The following COL5A1 variants were observed in gnomAD, a reference collection of about 807,000 sequenced individuals.
COL5A1 encodes collagen type V alpha 1 chain.
COL5A1 carries 16 observed loss-of-function variants against 263.7 expected under a neutral mutation model. The observed-to-expected ratio is 0.06, with a 90% CI of 0.04 to 0.09. COL5A1 has a LOEUF of 0.09. Ranked by LOEUF, COL5A1 falls within the 10% of genes least tolerant of loss-of-function variation. The pLI, the probability that COL5A1 is intolerant of heterozygous loss-of-function variation, is 1.00. For synonymous variants in COL5A1, 1,012 were observed against 1,004.5 expected, an observed-to-expected ratio of 1.01 and a Z score of -0.14; for missense variants, 2,036 against 2,540.5, an observed-to-expected ratio of 0.80 and a Z score of 4.27.
chr9:134,787,616 G>A (rs1193058648), intron 31 of COL5A1, among the ~76,000 whole-genome samples: 1 of 152,224 alleles, frequency 6.6e-6, no homozygotes, highest in Non-Finnish European at 1.5e-5. Context: ...TCTCTGGTCT[G>A]TGTGCACCTT....
At position 134,681,697 on chromosome 9, in the gene COL5A1, C is replaced by T. The variant is rs147993049; in HGVS notation, c.110-9215C>T. On this transcript the variant is annotated intron_variant, in intron 1 of 65. Coordinates refer to ENST00000371817, the MANE Select transcript of COL5A1 (RefSeq NM_000093.5). The surrounding 1 kb of genome is among the most constrained non-coding windows in gnomAD (Gnocchi z 4.3). ...CTGCCCTGTACCTCGATTCCTCTTT[C>T]CCAATGAAGGCTCTTAGCCCAGATG... is the stretch of plus-strand genomic sequence containing the variant. 2.2e-4 allele frequency among the ~76,000 whole-genome samples: 34 copies of T among 152,324 alleles called. No homozygotes were observed. The highest frequency in any genetic ancestry group is 7.9e-4 in the African/African-American group (33 of 41,570).
intron 4 of COL5A1, among the ~76,000 whole-genome samples, chr9:134,711,189 G>C (rs538318345): frequency 3.9e-5 from 6 of 152,112 alleles, no homozygotes; most frequent in Non-Finnish European, 7.4e-5. Flanking sequence ...TGGGCCTGCA[G>C]AGTCAGCTCG....
At chr9:134,721,673 A>G (rs1588470688) in intron 4 of COL5A1, among the ~76,000 whole-genome samples, 1 of 152,300 alleles carries the variant, frequency 6.6e-6, no homozygotes, top group Non-Finnish European at 1.5e-5. Context: ...GACATCACAG[A>G]GCCCTCTTCT....
At position 134,813,986 on chromosome 9, in the gene COL5A1, G is replaced by A. The variant is rs149717587; in HGVS notation, c.3856G>A (p.Glu1286Lys). Residue 1286 changes from glutamate to lysine, a missense_variant, in exon 49 of 66, where the codon GAG becomes AAG. Around this residue, in one of 3 missense-constraint regions of COL5A1, gnomAD observed 1,078 missense variants for 1,521.4 expected, o/e 0.71. Coordinates refer to ENST00000371817, the MANE Select transcript of COL5A1 (RefSeq NM_000093.5). ...GNPGAVGEKGEPGEAGEPGLP... is the reference protein window; with the variant it reads ...GNPGAVGEKGKPGEAGEPGLP... ...ACCACATGCACTGTCTCCCTAGGGCGAGCCTGGCGAAGCAGGTGAGCCTGG... is the reference window on the plus strand; with the variant it reads ...ACCACATGCACTGTCTCCCTAGGGCAAGCCTGGCGAAGCAGGTGAGCCTGG... 3.4e-5 allele frequency: 53 copies of A among 1,550,932 alleles called. No homozygotes were observed. The highest frequency in any genetic ancestry group is 4.3e-5 in the Non-Finnish European group (49 of 1,147,102).
At chr9:134,738,227 T>C (rs1355363290) in intron 9 of COL5A1, among the ~76,000 whole-genome samples, 1 of 152,202 alleles carries the variant, frequency 6.6e-6, no homozygotes, top group East Asian at 1.9e-4. Flanking sequence ...GGCGCTGGTC[T>C]TGCGGGAGCC....
chr9:134,697,181 G>C (rs931126851), intron 2 of COL5A1, among the ~76,000 whole-genome samples: 1 of 152,102 alleles, frequency 6.6e-6, no homozygotes, highest in Non-Finnish European at 1.5e-5. Flanking sequence ...CCTCCTCCCA[G>C]AGTGCCCGGA....
chr9:134,832,406 C>CAA (rs943255897), intron 64 of COL5A1, among the ~76,000 whole-genome samples: 5 of 149,840 alleles, frequency 3.3e-5, no homozygotes, highest in Admixed American at 2.0e-4. Context: ...ACTCCGTCTC[C>CAA]AAAAAAAAAG....
At chr9:134,661,996 C>T (rs78361687) in intron 1 of COL5A1, among the ~76,000 whole-genome samples, 1,540 of 152,240 alleles carry the variant, frequency 0.01, 19 homozygotes, top group East Asian at 0.032. Context: ...CGGTTACTCA[C>T]GCAGAGGCGG....
intron 65 of COL5A1, among the ~76,000 whole-genome samples, chr9:134,840,338 A>C (rs1438117518): frequency 6.6e-6 from 1 of 152,140 alleles, no homozygotes; most frequent in Non-Finnish European, 1.5e-5. Context: ...GGACATTAGG[A>C]GGTGAAGTTT....
At chr9:134,670,596 C>T (rs567802000) in intron 1 of COL5A1, among the ~76,000 whole-genome samples, 31 of 152,262 alleles carry the variant, frequency 2.0e-4, no homozygotes, top group African/African-American at 7.0e-4. Flanking sequence ...GGCAAGCCCC[C>T]GGGTCGTTGT....
At position 134,686,944 on chromosome 9, in the gene COL5A1, A is replaced by G. The variant is rs1223670143; in HGVS notation, c.110-3968A>G. ...GATGGGAGCAAGCCACGATGGGGAAAGGGATTGAATGCAGGGAGTCAGGTG... is the reference window on the plus strand; with the variant it reads ...GATGGGAGCAAGCCACGATGGGGAAGGGGATTGAATGCAGGGAGTCAGGTG... On this transcript the variant is annotated intron_variant, in intron 1 of 65. Transcript: ENST00000371817. This position sits in a 1 kb window ranked among gnomAD's most constrained non-coding sequence, Gnocchi z 4.6. 1.3e-5 allele frequency among the ~76,000 whole-genome samples: 2 copies of G among 152,120 alleles called. No individual in the cohort carries two copies. The highest frequency in any genetic ancestry group is 3.9e-4 in the East Asian group (2 of 5,186).
chr9:134,745,635 G>A (rs1019289400), intron 11 of COL5A1, among the ~76,000 whole-genome samples: 1 of 152,170 alleles, frequency 6.6e-6, no homozygotes, highest in South Asian at 2.1e-4. Context: ...CTGGAAGAGT[G>A]TCTGTCTAGC....
At chr9:134,805,112 G>A in intron 40 of COL5A1, 48 bp downstream of exon 40, 1 of 1,613,672 alleles carries the variant, frequency 6.2e-7, no homozygotes, top group South Asian at 1.1e-5. Context: ...GTGCAGCCCT[G>A]GAGGCCTCTC....
intron 13 of COL5A1, 96 bp from the exon 14 acceptor site, chr9:134,752,493 C>T: frequency 2.2e-6 from 2 of 913,326 alleles, no homozygotes; most frequent in South Asian, 1.3e-5. Flanking sequence ...GTCCAGTCTG[C>T]CCGTTCCCTC....
intron 2 of COL5A1, among the ~76,000 whole-genome samples, chr9:134,697,617 G>A (rs1210236038): frequency 6.6e-6 from 1 of 152,116 alleles, no homozygotes; most frequent in Admixed American, 6.5e-5. Flanking sequence ...AGTGCTTCAG[G>A]TGAGACCCCA....
At chr9:134,719,954 G>A (rs1834395421) in intron 4 of COL5A1, among the ~76,000 whole-genome samples, 1 of 152,154 alleles carries the variant, frequency 6.6e-6, no homozygotes, top group South Asian at 2.1e-4. Context: ...TGTGCCAGGG[G>A]CTCTGATAGC....
At chr9:134,826,659 GGA>G (rs1243646284) in intron 63 of COL5A1, among the ~76,000 whole-genome samples, 3 of 149,228 alleles carry the variant, frequency 2.0e-5, no homozygotes, top group East Asian at 2.0e-4. Context: ...TGTGGCTGGT[GGA>G]TGGGTGTGTG....
rs376269877 is a variant in COL5A1 at position 134,774,934 on chromosome 9, C to T, written c.2385+22C>T. 3.7e-6 allele frequency: 6 copies of T among 1,610,670 alleles called. No homozygotes were observed. In the African/African-American group the frequency reaches 4.0e-5, roughly 11 times the overall value. Reference sequence around the variant, plus strand: ...CAAGGTGAGAGAGACTCACGCCACTCCAGGTCGTCCTGGAGGTCAGGGTTG... The same window carrying T: ...CAAGGTGAGAGAGACTCACGCCACTTCAGGTCGTCCTGGAGGTCAGGGTTG... On this transcript the variant is annotated intron_variant, in intron 27 of 65. Transcript: ENST00000371817.
intron 48 of COL5A1, 132 bp from the exon 49 acceptor site, chr9:134,813,851 C>T: frequency 2.1e-6 from 2 of 937,248 alleles, no homozygotes; most frequent in East Asian, 2.6e-5. Flanking sequence ...ACAGCACTCC[C>T]CAGAAACCCC....
Sources: allele counts gnomAD v4.1 joint callset (sites outside exome capture counted in the v4.1 genomes callset), GRCh38; gene constraint gnomAD v4.1.1; regional missense constraint gnomAD v4.1.1; non-coding constraint Gnocchi (gnomAD v3.1); transcripts MANE v1.5; gene names NCBI Gene and HGNC (gene_info 2026-07-23, HGNC 2026-07-21).